MARCHF1: variants seen among roughly 807,000 people sequenced by gnomAD.
The protein encoded by MARCHF1 is E3 ubiquitin-protein ligase MARCHF1.
MARCHF1 carries 40 observed loss-of-function variants against 54.2 expected under a neutral mutation model. That is an observed-to-expected ratio of 0.74 (90% CI 0.57 to 0.96). MARCHF1 has a LOEUF of 0.96. Ranked by LOEUF, MARCHF1 falls within the 40% of genes least tolerant of loss-of-function variation. MARCHF1 has a pLI of 0.00. For missense variants in MARCHF1, 586 were observed against 656.5 expected (o/e 0.89, Z 1.17); for synonymous variants, 236 against 236.3 (o/e 1.00, Z 0.01).
intron 5 of MARCHF1, among the ~76,000 whole-genome samples, chr4:163,620,934 A>G (rs1391801721): frequency 6.6e-6 from 1 of 152,210 alleles, no homozygotes; most frequent in Non-Finnish European, 1.5e-5. Flanking sequence ...TGATGATGTC[A>G]TAAATGACAA....
chr4:164,346,333 T>C (rs751526205), intron 1 of MARCHF1, among the ~76,000 whole-genome samples: 20 of 152,098 alleles, frequency 1.3e-4, no homozygotes, highest in Non-Finnish European at 1.5e-4. Flanking sequence ...ATTAAATAGG[T>C]AGAACCACTG....
chr4:164,338,669 T>A (rs1303294853), intron 1 of MARCHF1, among the ~76,000 whole-genome samples: 1 of 152,138 alleles, frequency 6.6e-6, no homozygotes, highest in Non-Finnish European at 1.5e-5. Flanking sequence ...GGTCATTATA[T>A]AAGGATAAAG....
At chr4:164,101,566 G>T (rs1454240710) in intron 2 of MARCHF1, among the ~76,000 whole-genome samples, 1 of 130,496 alleles carries the variant, frequency 7.7e-6, no homozygotes, top group Admixed American at 8.2e-5. Flanking sequence ...TCTGTTAGAA[G>T]GAAAACTAAC....
At chr4:163,967,960 A>G (rs1752476539) in intron 3 of MARCHF1, among the ~76,000 whole-genome samples, 1 of 152,192 alleles carries the variant, frequency 6.6e-6, no homozygotes, top group East Asian at 1.9e-4. Context: ...CTCAGAATTC[A>G]CTGATTTAAA....
At chr4:164,378,038 A>T (rs1444628132) in intron 1 of MARCHF1, among the ~76,000 whole-genome samples, 1 of 152,244 alleles carries the variant, frequency 6.6e-6, no homozygotes, top group East Asian at 1.9e-4. Context: ...AAAGCCAGAT[A>T]TAAGGACAGT....
At chr4:163,602,321 A>G (rs552751849) in intron 7 of MARCHF1, among the ~76,000 whole-genome samples, 3 of 152,254 alleles carry the variant, frequency 2.0e-5, no homozygotes, top group East Asian at 3.9e-4. Flanking sequence ...AAAATTATTC[A>G]TATCAAGGAA....
At chr4:163,996,814 A>G (rs1454864611) in intron 2 of MARCHF1, among the ~76,000 whole-genome samples, 3 of 152,192 alleles carry the variant, frequency 2.0e-5, no homozygotes, top group Admixed American at 6.6e-5. Flanking sequence ...CACCATGTGA[A>G]GACTGGAGTT....
At chr4:164,264,751 C>T (rs1192341214) in intron 1 of MARCHF1, among the ~76,000 whole-genome samples, 2 of 151,944 alleles carry the variant, frequency 1.3e-5, no homozygotes. Context: ...GAAACCCCAT[C>T]TCTACTAAAA....
intron 1 of MARCHF1, among the ~76,000 whole-genome samples, chr4:164,276,934 CTA>C (rs373542049): frequency 8.7e-6 from 1 of 115,418 alleles, no homozygotes; most frequent in Non-Finnish European, 1.8e-5. Flanking sequence ...GTCTCATATT[CTA>C]TATATATATA....
At chr4:163,570,333 A>G (rs1439956461) in intron 8 of MARCHF1, among the ~76,000 whole-genome samples, 2 of 152,102 alleles carry the variant, frequency 1.3e-5, no homozygotes, top group Admixed American at 1.3e-4. Flanking sequence ...GGGAGAGACA[A>G]TAATATCATT....
chr4:163,759,573 T>C (rs1455567371), intron 4 of MARCHF1, among the ~76,000 whole-genome samples: 2 of 152,246 alleles, frequency 1.3e-5, no homozygotes, highest in Non-Finnish European at 2.9e-5. Context: ...TGATTCCATC[T>C]GGTGGTCCAG....
At chr4:164,310,901 T>C (rs1175083555) in intron 1 of MARCHF1, among the ~76,000 whole-genome samples, 2 of 152,142 alleles carry the variant, frequency 1.3e-5, no homozygotes, top group African/African-American at 2.4e-5. Flanking sequence ...TAGTGATTAG[T>C]GGGTCAATAT....
intron 4 of MARCHF1, among the ~76,000 whole-genome samples, chr4:163,760,401 C>T (rs1025735347): frequency 6.6e-5 from 10 of 152,126 alleles, no homozygotes; most frequent in Admixed American, 3.3e-4. Context: ...ACAAGTTTTA[C>T]GGATGAGGAT....
chr4:164,333,796 G>A (rs999411633), intron 1 of MARCHF1, among the ~76,000 whole-genome samples: 1 of 152,192 alleles, frequency 6.6e-6, no homozygotes, highest in Non-Finnish European at 1.5e-5. Context: ...GAGGCCAAAC[G>A]CTAGGTGTAT....
chr4:164,163,817 C>T (rs557284065), intron 1 of MARCHF1, among the ~76,000 whole-genome samples: 122 of 151,872 alleles, frequency 8.0e-4, no homozygotes, highest in South Asian at 1.0e-3. Flanking sequence ...GTAACATTTA[C>T]CAAGACAGAC....
chr4:164,056,918 C>G (rs1334970827), intron 2 of MARCHF1, among the ~76,000 whole-genome samples: 1 of 152,082 alleles, frequency 6.6e-6, no homozygotes, highest in Non-Finnish European at 1.5e-5. Flanking sequence ...CACACTGACC[C>G]AGCAACTGAA....
At position 163,887,263 on chromosome 4, in the gene MARCHF1, G is replaced by A. The variant is rs559758276; in HGVS notation, c.-38-33094C>T. ...GGGAGGAGAGGGGACATTTTTAGATGAGATCAAAAAGGGGGTTTTTATGGG... is the reference window on the plus strand; with the variant it reads ...GGGAGGAGAGGGGACATTTTTAGATAAGATCAAAAAGGGGGTTTTTATGGG... On this transcript the variant is annotated intron_variant, in intron 3 of 9. Transcript: ENST00000514618. Among the ~76,000 whole-genome samples, 13 of 152,088 alleles carry A rather than the reference G, an allele frequency of 8.5e-5. No individual in the cohort carries two copies. In the South Asian group the frequency reaches 2.5e-3, roughly 29 times the overall value.
At chr4:164,352,438 G>C (rs1433620048) in intron 1 of MARCHF1, among the ~76,000 whole-genome samples, 3 of 144,082 alleles carry the variant, frequency 2.1e-5, no homozygotes, top group Non-Finnish European at 4.6e-5. Flanking sequence ...CAAGCCAGAA[G>C]AGAGTGGGGG....
chr4:163,539,676 C>T (rs1038352011), intron 9 of MARCHF1, among the ~76,000 whole-genome samples: 2 of 152,168 alleles, frequency 1.3e-5, no homozygotes, highest in Non-Finnish European at 2.9e-5. Context: ...AGGCCACTGG[C>T]GTTTAGTCAT....
Sources: allele counts gnomAD v4.1 joint callset (sites outside exome capture counted in the v4.1 genomes callset), GRCh38; gene constraint gnomAD v4.1.1; transcripts MANE v1.5; gene names NCBI Gene and HGNC (gene_info 2026-07-23, HGNC 2026-07-21).